Variants in SPTBN5 observed in about 807,000 individuals in gnomAD.
SPTBN5 encodes spectrin beta chain, non-erythrocytic 5.
A neutral mutation model predicts 477.6 loss-of-function variants in SPTBN5; 513 were observed. The observed-to-expected ratio is 1.07, with a 90% confidence interval of 1.00 to 1.16. The LOEUF (loss-of-function observed/expected upper bound fraction) is 1.16. SPTBN5 is among the 50% of genes most tolerant of loss of function. The pLI is 0.00. For synonymous variants in SPTBN5, 2,169 were observed against 2,011.7 expected (o/e 1.08, Z -2.09); for missense variants, 5,062 against 4,731.8 (o/e 1.07, Z -2.05).
chr15:41,893,865 C>T lies in SPTBN5; in HGVS notation c.-50+34G>A, dbSNP rs540452467. 3.2e-5 allele frequency: 10 copies of T among 311,744 alleles called. No individual in the cohort carries two copies. In the South Asian group the frequency reaches 4.2e-4, roughly 13 times the overall value. 19.3% of individuals were successfully genotyped at this position (311,744 alleles called of 1,614,324 possible). On this transcript the variant is annotated intron_variant, in intron 1 of 67. Coordinates refer to ENST00000320955, the MANE Select transcript of SPTBN5 (RefSeq NM_016642.4). ...GTCCCACAGAGACGGCTCTGCTGGA[C>T]GGATGGAGATGGTAGATAGCAGGGG...
rs551427683 is a variant in SPTBN5 at position 41,893,012 on chromosome 15, T to G, written c.266A>C (p.His89Pro). 1.2e-6 allele frequency: 2 copies of G among 1,610,474 alleles called. No homozygotes were observed. The highest frequency in any genetic ancestry group is 1.7e-6 in the Non-Finnish European group (2 of 1,179,614). Residue 89 changes from histidine to proline, a missense_variant, in exon 3 of 68, where the codon CAC becomes CCC. Transcript: ENST00000320955. Reference sequence around the variant, plus strand: ...GATGAGCTCCAGCAGCCGCAGGAGGTGGATGCCGTCAGCCAGCTCTGTGTA... The same window carrying G: ...GATGAGCTCCAGCAGCCGCAGGAGGGGGATGCCGTCAGCCAGCTCTGTGTA... ...NLYTELADGI[H>P]LLRLLELISG... is the part of the protein sequence containing the mutation.
chr15:41,855,524 C>T (rs141589783), intron 54 of SPTBN5, 25 bp downstream of exon 54: 13 of 1,603,878 alleles, frequency 8.1e-6, no homozygotes, highest in Admixed American at 1.7e-5. Context: ...TCTGCTCCTT[C>T]GCGGATGGTG....
At chr15:41,890,444 C>G (rs2067275453) in intron 3 of SPTBN5, among the ~76,000 whole-genome samples, 1 of 152,258 alleles carries the variant, frequency 6.6e-6, no homozygotes, top group Non-Finnish European at 1.5e-5. Flanking sequence ...GTGAACTGGG[C>G]TGGGCCCTCA....
chr15:41,866,796 C>T (rs1256215458), intron 36 of SPTBN5, among the ~76,000 whole-genome samples, 163 bp downstream of exon 36: 3 of 152,222 alleles, frequency 2.0e-5, no homozygotes, highest in Non-Finnish European at 2.9e-5. Context: ...GAGGTCTCCA[C>T]ACAAAGGGGC....
At chr15:41,864,560 C>T (rs1478398518) in intron 39 of SPTBN5, among the ~76,000 whole-genome samples, 4 of 152,330 alleles carry the variant, frequency 2.6e-5, no homozygotes, top group East Asian at 3.9e-4. Context: ...GTGATCTGCC[C>T]GCCTTGGCCT....
In SPTBN5 at chr15:41,854,186, T is replaced by G; in HGVS notation, c.9638A>C (p.Glu3213Ala). ...TGCTGCCTGCTGAAAGCTGTGGACC[T>G]CATGGGCTGCAGCCAAGTTCTGGGA... ...ARTENLAAAH[E>A]VHSFQQAAAE... The change falls in exon 57 of 68, where the codon GAG becomes GCG. Residue 3213 changes from glutamate (E) to alanine (A), a missense_variant. Coordinates refer to ENST00000320955, the MANE Select transcript of SPTBN5 (RefSeq NM_016642.4). 6.3e-7 allele frequency: 1 copy of G among 1,599,864 alleles called. No homozygotes were observed. The highest frequency in any genetic ancestry group is 1.1e-5 in the South Asian group (1 of 88,222).
chr15:41,853,121 C>T, intron 59 of SPTBN5, 121 bp from the exon 60 acceptor site: 1 of 1,437,568 alleles, frequency 7.0e-7, no homozygotes. Context: ...CCCGCACCTG[C>T]CCCTTCCCAG....
rs775858406 is a variant in SPTBN5 at position 41,886,030 on chromosome 15, C to T, written c.1225G>A (p.Ala409Thr). The stretch of plus-strand genomic sequence containing the variant: ...CTCTGCTGCAGGGCCTGGCTCCTTG[C>T]AGCCTCTGCCCACTCCAGCCCTGCC... The part of the protein sequence containing the change: ...CWAGLEWAEA[A>T]RSQALQQRLL... The change falls in exon 7 of 68, where the codon GCA (alanine) becomes ACA (threonine). Residue 409 changes from alanine to threonine, a missense_variant. Transcript: ENST00000320955. The T allele has an allele frequency of 3.8e-6, 6 of 1,561,218 alleles. No individual in the cohort carries two copies. Among genetic ancestry groups the T allele is most frequent in the Non-Finnish European group, 5.2e-6 (6 of 1,152,884 alleles).
intron 32 of SPTBN5, 151 bp downstream of exon 32, chr15:41,869,690 G>T (rs1595475780): frequency 3.6e-6 from 3 of 839,446 alleles, no homozygotes; most frequent in Non-Finnish European, 5.0e-6. Context: ...CCCCTGACCA[G>T]CCAGACTGAC....
chr15:41,889,664 G>A (rs919283666), intron 4 of SPTBN5, among the ~76,000 whole-genome samples: 1 of 152,196 alleles, frequency 6.6e-6, no homozygotes, highest in Non-Finnish European at 1.5e-5. Context: ...TCTTTGGTGT[G>A]TAGGGTGCCA....
Position 41,883,552 on chromosome 15 carries a change from T to A in SPTBN5, c.1521-66A>T. On this transcript the variant is annotated intron_variant, in intron 7 of 67. Transcript: ENST00000320955. The stretch of plus-strand genomic sequence containing the variant: ...GGCAGGGAAGCTACTTCAGGGTTCC[T>A]GGTCTGTGGTGGGGCTTGGCTGCCC... The A allele has an allele frequency of 4.5e-6, 7 of 1,566,150 alleles. No homozygotes were observed. The East Asian group carries it at 1.6e-4, about 35-fold the overall frequency.
chr15:41,858,513 G>A (rs1042590122), intron 49 of SPTBN5, 89 bp downstream of exon 49: 29 of 1,456,620 alleles, frequency 2.0e-5, no homozygotes, highest in Admixed American at 1.3e-4. Context: ...GCTGGCCACC[G>A]TTACTGTGGT....
chr15:41,877,348 T>A lies in SPTBN5; in HGVS notation c.3479A>T (p.Gln1160Leu), dbSNP rs1349554804. 1.9e-6 allele frequency: 3 copies of A among 1,606,958 alleles called. No homozygotes were observed. Among genetic ancestry groups the A allele is most frequent in the Middle Eastern group, 1.7e-4 (1 of 6,050 alleles). ...EIHLWQERLQ[Q>L]LDAQSQPMAA... ...CATGGGCTGGCTCTGAGCGTCCAGC[T>A]GCTGCAGCCTGACCAGGATGACAGG... The change falls in exon 18 of 68, where the codon CAG (glutamine) becomes CTG (leucine). Residue 1160 changes from glutamine (Q) to leucine (L), a missense_variant. Physicochemically the swap from Gln to Leu is moderately radical, Grantham distance 113. Transcript: ENST00000320955.
Position 41,853,454 on chromosome 15 carries a change from G to A in SPTBN5, c.9981-7C>T, listed in dbSNP as rs1347466047. 1 of 1,564,046 alleles carries A rather than the reference G, an allele frequency of 6.4e-7. No individual in the cohort carries two copies. Among genetic ancestry groups the A allele is most frequent in the Non-Finnish European group, 8.7e-7 (1 of 1,147,654 alleles). ...CCTCTCCTGTGCCCATGCTCTGTGG[G>A]GCAGGGAAGGGAGCTGTTGTCAGGG... is the stretch of plus-strand genomic sequence containing the variant. On this transcript the variant is annotated splice_polypyrimidine_tract_variant and splice_region_variant and intron_variant, in intron 58 of 67. Transcript: ENST00000320955.
Position 41,864,070 on chromosome 15 carries a change from G to C in SPTBN5, c.6919-46C>G, listed in dbSNP as rs201694967. ...AGGGCATTGGCACCCCCCATGCAGA[G>C]CCCCTTCTTCCCACCTCAGCAGGCA... On this transcript the variant is annotated intron_variant, in intron 39 of 67. Coordinates refer to ENST00000320955, the MANE Select transcript of SPTBN5 (RefSeq NM_016642.4). 2,365 of 1,507,622 alleles carry C rather than the reference G, an allele frequency of 1.6e-3. 12 individuals carry two copies. Among genetic ancestry groups the C allele is most frequent in the Non-Finnish European group, 1.8e-3 (1,936 of 1,099,378 alleles). 93.4% of individuals were successfully genotyped at this position (1,507,622 alleles called of 1,614,324 possible). A position where few individuals can be genotyped will look rare whatever the true frequency, so the allele number is the denominator to read the frequency against.
rs2066573272 is a variant in SPTBN5, at chr15:41,872,339, C to T, written c.5128G>A (p.Glu1710Lys). ...AACTCCTGCAGTGCCCGCAGCTGCT[C>T]CCGGAGCCTCTCCTGCACCACACGC... The part of the protein sequence containing the change: ...QQRVVQERLR[E>K]QLRALQELAA... Residue 1710 changes from glutamate (E) to lysine (K), a missense_variant, in exon 27 of 68, where the codon GAG becomes AAG. By Grantham distance (56) the Glu-to-Lys change is moderately conservative (BLOSUM62 1). Transcript: ENST00000320955. 1.2e-6 allele frequency: 2 copies of T among 1,611,082 alleles called. No individual in the cohort carries two copies. The highest frequency in any genetic ancestry group is 1.7e-6 in the Non-Finnish European group (2 of 1,179,748).
At chr15:41,858,504 C>T (rs1214091481) in intron 49 of SPTBN5, 98 bp downstream of exon 49, 2 of 1,408,516 alleles carry the variant, frequency 1.4e-6, no homozygotes, top group African/African-American at 2.8e-5. Flanking sequence ...CTGGATAACG[C>T]TGGCCACCGT....
At chr15:41,852,769 T>TGGGGG (rs370153269) in intron 60 of SPTBN5, 34 bp from the exon 61 acceptor site, 226 of 1,275,372 alleles carry the variant, frequency 1.8e-4, no homozygotes, top group Non-Finnish European at 2.3e-4. Context: ...ACGCCCAGCT[T>TGGGGG]GGGGGGGGGG....
intron 19 of SPTBN5, 35 bp from the exon 20 acceptor site, chr15:41,876,682 GA>G: frequency 6.4e-7 from 1 of 1,558,772 alleles, no homozygotes; most frequent in Non-Finnish European, 8.8e-7. Context: ...GAGGGCATGG[GA>G]GAGGACTCCC....
Sources: allele counts gnomAD v4.1 joint callset (sites outside exome capture counted in the v4.1 genomes callset), GRCh38; gene constraint gnomAD v4.1.1; transcripts MANE v1.5; gene names NCBI Gene and HGNC (gene_info 2026-07-23, HGNC 2026-07-21).